The following MERTK variants were observed in gnomAD, a reference collection of about 807,000 sequenced individuals.
MERTK encodes tyrosine-protein kinase Mer.
A neutral mutation model predicts 99.3 loss-of-function variants in MERTK; 69 were observed. That is an observed-to-expected ratio of 0.70 (90% CI 0.57 to 0.85). The LOEUF (loss-of-function observed/expected upper bound fraction) is 0.85. Ranked by LOEUF, MERTK falls within the 40% of genes least tolerant of loss-of-function variation. The pLI is 0.00. For missense variants in MERTK, 1,125 were observed against 1,249.4 expected, an observed-to-expected ratio of 0.90 and a Z score of 1.50; for synonymous variants, 426 against 467.6, an observed-to-expected ratio of 0.91 and a Z score of 1.15.
intron 1 of MERTK, among the ~76,000 whole-genome samples, chr2:111,924,263 C>T (rs535231655): frequency 3.9e-5 from 6 of 152,286 alleles, no homozygotes; most frequent in South Asian, 2.1e-4. Flanking sequence ...CCTTTATTCC[C>T]GTTGGCAACC....
intron 8 of MERTK, among the ~76,000 whole-genome samples, chr2:111,989,602 G>C (rs897971449): frequency 1.3e-5 from 2 of 152,026 alleles, no homozygotes; most frequent in Admixed American, 1.3e-4. Context: ...TGATCCACCC[G>C]CCTCGGCCTC....
intron 10 of MERTK, among the ~76,000 whole-genome samples, chr2:111,998,678 A>G (rs1224771658): frequency 6.6e-6 from 1 of 152,276 alleles, no homozygotes; most frequent in African/African-American, 2.4e-5. Flanking sequence ...GGTATTCATT[A>G]GATGAGAGAG....
chr2:111,917,883 TAA>T (rs11443176), intron 1 of MERTK, among the ~76,000 whole-genome samples: 3 of 141,644 alleles, frequency 2.1e-5, no homozygotes, highest in Admixed American at 7.1e-5. Flanking sequence ...GACTCTGTCT[TAA>T]AAAAAAAAAA....
chr2:111,933,835 A>G (rs931115806), intron 2 of MERTK, among the ~76,000 whole-genome samples: 1 of 151,688 alleles, frequency 6.6e-6, no homozygotes, highest in Non-Finnish European at 1.5e-5. Context: ...CCCATCATCT[A>G]CATTAGGTAT....
chr2:112,021,237 C>T (rs774597946), intron 16 of MERTK, 185 bp from the exon 17 acceptor site: 5 of 282,620 alleles, frequency 1.8e-5, no homozygotes, highest in Non-Finnish European at 2.7e-5. Flanking sequence ...CTTGCTCTTG[C>T]TCTTGCTCTG....
chr2:111,968,341 G>GCCCTCCAT, intron 6 of MERTK, 89 bp downstream of exon 6: 4 of 1,035,448 alleles, frequency 3.9e-6, no homozygotes, highest in Non-Finnish European at 6.0e-6. Flanking sequence ...GGGCATGGAG[G>GCCCTCCAT]GCATTTCTCC....
At chr2:111,943,075 C>T (rs1419803375) in intron 2 of MERTK, among the ~76,000 whole-genome samples, 2 of 152,232 alleles carry the variant, frequency 1.3e-5, no homozygotes, top group Non-Finnish European at 2.9e-5. Context: ...GCTGTGCTAT[C>T]CTCTGGCAGC....
intron 1 of MERTK, among the ~76,000 whole-genome samples, chr2:111,916,483 C>T (rs1192320040): frequency 6.6e-6 from 1 of 151,972 alleles, no homozygotes; most frequent in Non-Finnish European, 1.5e-5. Flanking sequence ...TTTCATTTTA[C>T]TGTTGAACTT....
intron 16 of MERTK, 78 bp downstream of exon 16, chr2:112,019,600 T>C: frequency 4.5e-6 from 5 of 1,099,302 alleles, no homozygotes. Flanking sequence ...GAGGACCTGT[T>C]CCTGTTTAGA....
intron 18 of MERTK, chr2:112,028,067 G>T (rs1288198549): frequency 2.2e-6 from 1 of 451,630 alleles, no homozygotes; most frequent in East Asian, 4.6e-5. Flanking sequence ...TTTGCCCGCC[G>T]CCATATAAAG....
At chr2:111,916,412 C>T (rs779187822) in intron 1 of MERTK, among the ~76,000 whole-genome samples, 1 of 152,166 alleles carries the variant, frequency 6.6e-6, no homozygotes, top group African/African-American at 2.4e-5. Flanking sequence ...AGTCTCTTCT[C>T]ATGGTCAAAT....
intron 10 of MERTK, among the ~76,000 whole-genome samples, chr2:111,997,874 A>G (rs1425224176): frequency 6.6e-6 from 1 of 152,222 alleles, no homozygotes; most frequent in Non-Finnish European, 1.5e-5. Flanking sequence ...CACCATGGCA[A>G]AATGTCATCT....
At chr2:111,969,671 C>A (rs538520126) in intron 6 of MERTK, among the ~76,000 whole-genome samples, 1 of 151,030 alleles carries the variant, frequency 6.6e-6, no homozygotes, top group Non-Finnish European at 1.5e-5. Context: ...CCGCCCTCAC[C>A]CACCACCTCC....
rs1038989321 is a variant in MERTK, at chr2:112,003,489, T to C, written c.1786+302T>C. ...CCTATGTACTTTAAGTTTATTCCTC[T>C]AGTTCTTAAGTTCATTGTTCTTGGC... On this transcript the variant is annotated intron_variant, in intron 12 of 18. Coordinates refer to ENST00000295408, the MANE Select transcript of MERTK (RefSeq NM_006343.3). 12 of 335,170 alleles carry C rather than the reference T, an allele frequency of 3.6e-5. No homozygotes were observed. The Admixed American group carries it at 5.1e-4, about 14-fold the overall frequency. 20.8% of individuals were successfully genotyped at this position (335,170 alleles called of 1,614,324 possible).
At position 111,929,401 on chromosome 2, in the gene MERTK, T is replaced by G. The variant is rs1684626658; in HGVS notation, c.343T>G (p.Cys115Gly). The G allele has an allele frequency of 1.9e-6, 3 of 1,614,118 alleles. No homozygotes were observed. The East Asian group carries it at 6.7e-5, about 36-fold the overall frequency. ...TGAACATAAAGGTGTCAAATTTAAT[T>G]GCTCAATCAGTGTACCTAATATATA... The part of the protein sequence containing the change: ...LSEHKGVKFN[C>G]SISVPNIYQD... The change falls in exon 2 of 19, where the codon TGC becomes GGC. Residue 115 changes from cysteine to glycine, a missense_variant. Transcript: ENST00000295408.
intron 1 of MERTK, among the ~76,000 whole-genome samples, chr2:111,920,444 G>A (rs2104676495): frequency 6.6e-6 from 1 of 152,120 alleles, no homozygotes; most frequent in Admixed American, 6.6e-5. Flanking sequence ...TGGCGTGATC[G>A]CCTCTTCCTC....
chr2:111,988,950 A>G (rs1676550966), intron 8 of MERTK, among the ~76,000 whole-genome samples: 1 of 152,168 alleles, frequency 6.6e-6, no homozygotes, highest in South Asian at 2.1e-4. Context: ...CTCCATTTCA[A>G]AAACCACTGT....
intron 7 of MERTK, among the ~76,000 whole-genome samples, chr2:111,976,023 A>G (rs1676240338): frequency 1.3e-5 from 2 of 149,674 alleles, no homozygotes; most frequent in East Asian, 2.0e-4. Flanking sequence ...AGTGTTTCCC[A>G]TGACCTCAGC....
intron 1 of MERTK, among the ~76,000 whole-genome samples, chr2:111,918,899 G>A (rs569686808): frequency 1.3e-5 from 2 of 152,302 alleles, no homozygotes; most frequent in African/African-American, 4.8e-5. Flanking sequence ...TTTGGGAGTG[G>A]CATGATGGAG....
Sources: gnomAD v4.1 joint callset for allele counts (sites outside exome capture counted in the v4.1 genomes callset) on GRCh38, gnomAD v4.1.1 for gene constraint, MANE v1.5 for transcripts, NCBI Gene and HGNC (gene_info 2026-07-23, HGNC 2026-07-21) for gene names.